Variants in PTMA observed in about 807,000 individuals in gnomAD.
The protein encoded by PTMA is prothymosin alpha.
PTMA carries 4 observed loss-of-function variants against 16.9 expected under a neutral mutation model. The ratio of observed to expected loss-of-function variants is 0.24; its 90% confidence interval spans 0.12 to 0.54. The LOEUF (loss-of-function observed/expected upper bound fraction) is 0.54, where lower values mean the gene tolerates loss of function less well. Ranked by LOEUF, PTMA falls within the 20% of genes least tolerant of loss-of-function variation. PTMA has a pLI of 0.95. For missense variants in PTMA, 120 were observed against 137.7 expected, an observed-to-expected ratio of 0.87 and a Z score of 0.64; for synonymous variants, 58 against 47.9, an observed-to-expected ratio of 1.21 and a Z score of -0.87.
At chr2:231,708,789 C>G in intron 1 of PTMA, 38 bp downstream of exon 1, 2 of 1,592,718 alleles carry the variant, frequency 1.3e-6, no homozygotes, top group Middle Eastern at 1.7e-4. Context: ...GGGGTCCGCG[C>G]GCCGCCGCTC....
rs1334086476 is a variant in PTMA at position 231,709,055 on chromosome 2, C to T, written c.45+304C>T. On this transcript the variant is annotated intron_variant, in intron 1 of 4. Coordinates refer to ENST00000409115, the MANE Select transcript of PTMA (RefSeq NM_002823.5). ...CGTCTGTGGCCGGTATGAGTGGCGGCGGGAGGAGAAGAGCCTGGCTGGGGG... is the reference window on the plus strand; with the variant it reads ...CGTCTGTGGCCGGTATGAGTGGCGGTGGGAGGAGAAGAGCCTGGCTGGGGG... 3.9e-5 allele frequency among the ~76,000 whole-genome samples: 6 copies of T among 152,200 alleles called. No homozygotes were observed. The East Asian group carries it at 1.2e-3, about 29-fold the overall frequency.
At position 231,708,582 on chromosome 2, in the gene PTMA, T is replaced by C. The variant is rs12415; in HGVS notation, c.-125T>C. 164,257 of 1,185,876 alleles carry C rather than the reference T, an allele frequency of 0.14. 12,572 individuals carry two copies. The highest frequency in any genetic ancestry group is 0.15 in the Non-Finnish European group (120,780 of 813,964). 73.5% of individuals were successfully genotyped at this position (1,185,876 alleles called of 1,614,324 possible). ...CATTGTTCCTCATCCGCCTCCTTGC[T>C]CGCCGCAGCCGCCTCCGCCGCGCGC... is the stretch of plus-strand genomic sequence containing the variant. On this transcript the variant is annotated 5_prime_UTR_variant, in exon 1 of 5. Transcript: ENST00000409115.
rs897564135 is a variant in PTMA at position 231,708,526 on chromosome 2, C to T, written c.-181C>T. 93 of 707,210 alleles carry T rather than the reference C, an allele frequency of 1.3e-4. No individual in the cohort carries two copies. The highest frequency in any genetic ancestry group is 7.5e-4 in the African/African-American group (42 of 55,798). The allele number at this position is 707,210 out of a possible 1,614,324, so 43.8% of individuals were successfully genotyped here. On this transcript the variant is annotated 5_prime_UTR_variant, in exon 1 of 5. Transcript: ENST00000409115. Reference sequence around the variant, plus strand: ...TAAAGCTTCTGGCGCCGCGTGAGTCCCCCACTGGCTGCTCTGAAAAGCCAT... The same window carrying T: ...TAAAGCTTCTGGCGCCGCGTGAGTCTCCCACTGGCTGCTCTGAAAAGCCAT...
chr2:231,711,163 C>G, intron 1 of PTMA, 185 bp from the exon 2 acceptor site: 1 of 533,496 alleles, frequency 1.9e-6, no homozygotes. Context: ...AGATGCCCCC[C>G]GCCGGCCTTC....
chr2:231,708,902 CTCTTTG>C, intron 1 of PTMA, 151 bp downstream of exon 1: 1 of 1,002,708 alleles, frequency 1.0e-6, no homozygotes. Context: ...AGGCAGCCCA[CTCTTTG>C]TGTGGTGCGG....
chr2:231,712,317 T>C, intron 3 of PTMA, 126 bp from the exon 4 acceptor site: 6 of 1,022,336 alleles, frequency 5.9e-6, no homozygotes, highest in Middle Eastern at 3.1e-4. Context: ...GGTGCCCTGA[T>C]TGGGCCCAGT....
intron 1 of PTMA, chr2:231,710,290 G>A: frequency 7.8e-7 from 1 of 1,282,712 alleles, no homozygotes; most frequent in Non-Finnish European, 9.9e-7. Flanking sequence ...CTGCCGGCCG[G>A]GAGTCTCCAA....
chr2:231,710,367 G>A lies in PTMA; in HGVS notation c.46-981G>A, dbSNP rs1382613974. On this transcript the variant is annotated intron_variant, in intron 1 of 4. Transcript: ENST00000409115. ...GCGCGCGGTGCGTGCCGAGGCCCGCGCGCAAAGCCCGCCGGGCGGGGGATG... is the reference window on the plus strand; with the variant it reads ...GCGCGCGGTGCGTGCCGAGGCCCGCACGCAAAGCCCGCCGGGCGGGGGATG... 5 of 1,198,832 alleles carry A rather than the reference G, an allele frequency of 4.2e-6. No individual in the cohort carries two copies. The Admixed American group carries it at 1.8e-4, about 43-fold the overall frequency. 74.3% of individuals were successfully genotyped at this position (1,198,832 alleles called of 1,614,324 possible).
At chr2:231,712,036 C>G (rs1057139677) in intron 3 of PTMA, 53 bp downstream of exon 3, 54 of 1,549,344 alleles carry the variant, frequency 3.5e-5, no homozygotes, top group Non-Finnish European at 6.1e-6. Flanking sequence ...CTGGCCTTGT[C>G]TGGCAGAAGG....
rs774768210 is a variant in PTMA at position 231,712,468 on chromosome 2, TGAG to T, written c.240_242del (p.Glu81del). On this transcript the variant is annotated inframe_deletion, in exon 4 of 5. Transcript: ENST00000409115. ...GTGAGGAAGAGGATGGAGATGAAGATGAGGAAGCTGAGTCAGCTACGGGCAAGC... is the reference window on the plus strand; with the variant it reads ...GTGAGGAAGAGGATGGAGATGAAGATGAAGCTGAGTCAGCTACGGGCAAGC... 2.8e-5 allele frequency: 46 copies of T among 1,614,080 alleles called. No individual in the cohort carries two copies. In the South Asian group the frequency reaches 4.3e-4, roughly 15 times the overall value.
intron 1 of PTMA, chr2:231,710,692 C>G (rs752448871): frequency 4.9e-6 from 2 of 404,538 alleles, no homozygotes. Context: ...GTCGGGATCC[C>G]TAGCCGCCGC....
rs1323593727 is a variant in PTMA at position 231,711,919 on chromosome 2, C to T, written c.147C>T (p.Asp49=). The change falls in exon 3 of 5, where the codon GAC becomes GAT. Residue 49 remains aspartate, a synonymous_variant. Coordinates refer to ENST00000409115, the MANE Select transcript of PTMA (RefSeq NM_002823.5). ...AGGAAAATGGGGAGCAGGAGGCTGA[C>T]AATGAGGTAGACGAAGAAGAGGAAG... is the stretch of plus-strand genomic sequence containing the variant. ...ANEENGEQEA[D]NEVDEEEEEG... The T allele has an allele frequency of 6.2e-7, 1 of 1,608,980 alleles. No individual in the cohort carries two copies. Among genetic ancestry groups the T allele is most frequent in the Non-Finnish European group, 8.5e-7 (1 of 1,177,618 alleles).
chr2:231,709,892 C>T (rs1293314324), intron 1 of PTMA: 2 of 337,052 alleles, frequency 5.9e-6, no homozygotes, highest in Admixed American at 5.0e-5. Context: ...TCCCTGGCGT[C>T]ATCTCTGACT....
chr2:231,712,875 CTAAA>C lies in PTMA; in HGVS notation c.*25_*28del. ...AGACAGCAAAAAAGGAAAAGTTAAA[CTAAA>C]AAAAAAAAGGCCGCCGTGACCTATT... On this transcript the variant is annotated 3_prime_UTR_variant, in exon 5 of 5. Transcript: ENST00000409115. 1 of 1,523,636 alleles carries C rather than the reference CTAAA, an allele frequency of 6.6e-7. No individual in the cohort carries two copies. The highest frequency in any genetic ancestry group is 8.8e-7 in the Non-Finnish European group (1 of 1,133,296). The allele number at this position is 1,523,636 out of a possible 1,614,324, so 94.4% of individuals were successfully genotyped here.
intron 2 of PTMA, 117 bp downstream of exon 2, chr2:231,711,536 G>A: frequency 2.1e-6 from 2 of 959,766 alleles, no homozygotes. Context: ...GCTTTGCACA[G>A]TGGCAGTATC....
intron 1 of PTMA, chr2:231,710,130 G>C: frequency 8.0e-7 from 1 of 1,248,958 alleles, no homozygotes; most frequent in Non-Finnish European, 1.0e-6. Context: ...TCGGACCTAC[G>C]CAGCCCGGTG....
chr2:231,711,048 C>T (rs2048512049), intron 1 of PTMA: 1 of 313,886 alleles, frequency 3.2e-6, no homozygotes, highest in East Asian at 7.5e-5. Flanking sequence ...GGGCTGGGGG[C>T]TGTGGCGCCA....
chr2:231,712,758 G>A (rs1247889397), intron 4 of PTMA, 46 bp from the exon 5 acceptor site: 2 of 1,568,650 alleles, frequency 1.3e-6, no homozygotes, highest in African/African-American at 1.4e-5. Context: ...GGGCTGGATA[G>A]GGCTCCTGGG....
chr2:231,710,727 C>T, intron 1 of PTMA: 5 of 349,582 alleles, frequency 1.4e-5, no homozygotes, highest in Non-Finnish European at 2.4e-5. Flanking sequence ...TTGGTGGCTC[C>T]GGCGGCAGGC....
Sources: gnomAD v4.1 joint callset for allele counts (sites outside exome capture counted in the v4.1 genomes callset) on GRCh38, gnomAD v4.1.1 for gene constraint, MANE v1.5 for transcripts, NCBI Gene and HGNC (gene_info 2026-07-23, HGNC 2026-07-21) for gene names.